EBF1: variants seen among roughly 807,000 people sequenced by gnomAD.
EBF1 encodes the protein EBF transcription factor 1.
A neutral mutation model predicts 68.4 loss-of-function variants in EBF1; 10 were observed. The observed-to-expected ratio is 0.15, with a 90% CI of 0.09 to 0.25. The LOEUF (loss-of-function observed/expected upper bound fraction) is 0.25, where lower values mean the gene tolerates loss of function less well. EBF1 is among the 10% of genes least tolerant of loss of function. The pLI is 1.00. For synonymous variants in EBF1, 298 were observed against 299.8 expected (o/e 0.99, Z 0.06); for missense variants, 509 against 794.4 (o/e 0.64, Z 4.32).
intron 8 of EBF1, among the ~76,000 whole-genome samples, chr5:158,821,161 C>G (rs1784743946): frequency 6.6e-6 from 1 of 152,072 alleles, no homozygotes; most frequent in South Asian, 2.1e-4. Flanking sequence ...TTTTTAAACT[C>G]TCCTACAGAT....
At chr5:158,810,428 A>G (rs17056261) in intron 8 of EBF1, among the ~76,000 whole-genome samples, 3,714 of 152,302 alleles carry the variant, frequency 0.024, 151 homozygotes, top group African/African-American at 0.085. Context: ...TAGCCCAAGT[A>G]CATTGCTCTC....
intron 6 of EBF1, among the ~76,000 whole-genome samples, chr5:158,922,765 G>C (rs766363476): frequency 2.0e-5 from 3 of 152,166 alleles, no homozygotes; most frequent in Non-Finnish European, 4.4e-5. Flanking sequence ...AAAAAGAACT[G>C]TTCAGGTTAT....
intron 6 of EBF1, among the ~76,000 whole-genome samples, chr5:158,900,602 A>G (rs1174851001): frequency 6.6e-6 from 1 of 152,200 alleles, no homozygotes; most frequent in African/African-American, 2.4e-5. Flanking sequence ...CTTGCTCCCT[A>G]GTCACTGCCT....
At chr5:159,027,183 A>G (rs926846529) in intron 6 of EBF1, among the ~76,000 whole-genome samples, 4 of 151,764 alleles carry the variant, frequency 2.6e-5, no homozygotes, top group East Asian at 1.9e-4. Context: ...CTACCTGTAC[A>G]CTCCTCCCAT....
At chr5:159,036,316 T>C (rs945355452) in intron 6 of EBF1, among the ~76,000 whole-genome samples, 1 of 151,936 alleles carries the variant, frequency 6.6e-6, no homozygotes, top group Non-Finnish European at 1.5e-5. Flanking sequence ...TTAAAGTTCA[T>C]ATGGAACCAA....
Position 158,961,833 on chromosome 5 carries a change from C to T in EBF1, c.554+111563G>A, listed in dbSNP as rs986849983. ...ATTTTCTCAATAATTATTTCTTTAT[C>T]TAAGCTTCTGAGGGAAAGAGAGCGA... On this transcript the variant is annotated intron_variant, in intron 6 of 15. Transcript: ENST00000313708. Among the ~76,000 whole-genome samples the T allele has an allele frequency of 2.0e-5, 3 of 152,148 alleles. No homozygotes were observed. In the South Asian group the frequency reaches 6.2e-4, roughly 32 times the overall value.
intron 6 of EBF1, among the ~76,000 whole-genome samples, chr5:159,066,300 A>T (rs1038276920): frequency 1.3e-5 from 2 of 152,142 alleles, no homozygotes; most frequent in African/African-American, 2.4e-5. Context: ...GCCATTTTGG[A>T]GGTTATTGTG....
At chr5:158,892,696 C>T (rs1801416792) in intron 6 of EBF1, among the ~76,000 whole-genome samples, 1 of 152,072 alleles carries the variant, frequency 6.6e-6, no homozygotes, top group African/African-American at 2.4e-5. Context: ...GACATGGGTA[C>T]AATCCCCATG....
intron 8 of EBF1, among the ~76,000 whole-genome samples, chr5:158,813,473 C>A (rs1163833224): frequency 6.6e-6 from 1 of 152,162 alleles, no homozygotes. Context: ...ATTTCTATGG[C>A]TTTTCCAGGC....
At chr5:158,791,078 C>A (rs138728691) in intron 9 of EBF1, among the ~76,000 whole-genome samples, 1 of 151,950 alleles carries the variant, frequency 6.6e-6, no homozygotes, top group African/African-American at 2.4e-5. Flanking sequence ...CCAAGCACTT[C>A]GGGAGGCTGA....
intron 6 of EBF1, among the ~76,000 whole-genome samples, chr5:159,041,991 A>C (rs924021118): frequency 6.6e-6 from 1 of 152,212 alleles, no homozygotes; most frequent in Non-Finnish European, 1.5e-5. Context: ...AATTAGAGAG[A>C]GTGTCACAGT....
chr5:158,956,815 G>C (rs1817221602), intron 6 of EBF1, among the ~76,000 whole-genome samples: 1 of 143,520 alleles, frequency 7.0e-6, no homozygotes, highest in Admixed American at 7.1e-5. Flanking sequence ...CTGGAGTGCA[G>C]TGGCGCGATC....
At chr5:158,947,780 T>TA (rs1297116724) in intron 6 of EBF1, among the ~76,000 whole-genome samples, 1 of 152,154 alleles carries the variant, frequency 6.6e-6, no homozygotes, top group Non-Finnish European at 1.5e-5. Context: ...CAAAGCTAAA[T>TA]ACGAAAGTAA....
chr5:158,853,178 T>G (rs939375246), intron 6 of EBF1, among the ~76,000 whole-genome samples: 1 of 152,220 alleles, frequency 6.6e-6, no homozygotes, highest in Non-Finnish European at 1.5e-5. Context: ...GCTATTCTCT[T>G]TTTTAGAGAA....
chr5:158,964,930 T>C (rs1036421348), intron 6 of EBF1, among the ~76,000 whole-genome samples: 27 of 152,226 alleles, frequency 1.8e-4, no homozygotes, highest in South Asian at 6.2e-4. Context: ...TATTTCACAT[T>C]TGTCAAACAG....
chr5:158,971,261 G>C (rs1425974631), intron 6 of EBF1, among the ~76,000 whole-genome samples: 1 of 152,150 alleles, frequency 6.6e-6, no homozygotes, highest in Admixed American at 6.5e-5. Context: ...CAGAGCGAGC[G>C]AGCATTGATC....
At chr5:159,037,809 T>TA (rs896082737) in intron 6 of EBF1, among the ~76,000 whole-genome samples, 5 of 151,840 alleles carry the variant, frequency 3.3e-5, no homozygotes, top group African/African-American at 9.7e-5. Context: ...AGTATAATAA[T>TA]AAAAAAAAGA....
chr5:159,003,947 A>G (rs956537626), intron 6 of EBF1, among the ~76,000 whole-genome samples: 8 of 152,186 alleles, frequency 5.3e-5, no homozygotes, highest in African/African-American at 1.9e-4. Context: ...GAGAATTTCT[A>G]TCAAGGAAAA....
intron 6 of EBF1, among the ~76,000 whole-genome samples, chr5:158,884,780 A>G (rs932674256): frequency 6.6e-6 from 1 of 152,228 alleles, no homozygotes; most frequent in African/African-American, 2.4e-5. Context: ...GATAGAAAAT[A>G]TCTTACATAA....
Sources: gnomAD v4.1 joint callset for allele counts (sites outside exome capture counted in the v4.1 genomes callset) on GRCh38, gnomAD v4.1.1 for gene constraint, MANE v1.5 for transcripts, NCBI Gene and HGNC (gene_info 2026-07-23, HGNC 2026-07-21) for gene names.